Variants in ZDHHC18 observed in about 807,000 individuals in gnomAD.
The protein encoded by ZDHHC18 is palmitoyltransferase ZDHHC18.
Under a neutral mutation model 37.5 loss-of-function variants are expected in ZDHHC18, and 23 were observed. The observed-to-expected ratio is 0.61, with a 90% CI of 0.44 to 0.87. The LOEUF is 0.87. ZDHHC18 is among the 40% of genes least tolerant of loss of function. The pLI, the probability that ZDHHC18 is intolerant of heterozygous loss-of-function variation, is 0.00. For missense variants in ZDHHC18, 406 were observed against 525.6 expected, an observed-to-expected ratio of 0.77 and a Z score of 2.22; for synonymous variants, 185 against 218.7, an observed-to-expected ratio of 0.85 and a Z score of 1.36.
intron 3 of ZDHHC18, among the ~76,000 whole-genome samples, 182 bp downstream of exon 3, chr1:26,848,939 T>TA (rs903226126): frequency 7.2e-5 from 11 of 152,092 alleles, no homozygotes; most frequent in African/African-American, 2.4e-4. Context: ...GCCCTCAGCA[T>TA]AACCAGGAGT....
Position 26,855,767 on chromosome 1 carries a change from C to T in ZDHHC18, c.*1924C>T, listed in dbSNP as rs1007486070. The T allele has an allele frequency of 6.5e-6, 1 of 154,346 alleles. No individual in the cohort carries two copies. The highest frequency in any genetic ancestry group is 2.4e-5 in the African/African-American group (1 of 41,502). 9.6% of individuals were successfully genotyped at this position (154,346 alleles called of 1,614,324 possible). On this transcript the variant is annotated 3_prime_UTR_variant, in exon 8 of 8. Coordinates refer to ENST00000374142, the MANE Select transcript of ZDHHC18 (RefSeq NM_032283.3). ...TGTTTGCTTTTCCTTTGCTGAGGCC[C>T]CAACTGGGAGCCCTCTGTTCTTTCA...
Position 26,857,116 on chromosome 1 carries a change from T to C in ZDHHC18, c.*3273T>C, listed in dbSNP as rs2081738616. ...CATAACGCAGCCATCAGCACAATAATGTGACTCTACGCTGATATGCTCCCT... is the reference window on the plus strand; with the variant it reads ...CATAACGCAGCCATCAGCACAATAACGTGACTCTACGCTGATATGCTCCCT... On this transcript the variant is annotated 3_prime_UTR_variant, in exon 8 of 8. Coordinates refer to ENST00000374142, the MANE Select transcript of ZDHHC18 (RefSeq NM_032283.3). 1 of 152,398 alleles carries C rather than the reference T, an allele frequency of 6.6e-6. No individual in the cohort carries two copies. The highest frequency in any genetic ancestry group is 2.4e-5 in the African/African-American group (1 of 41,442). 9.4% of individuals were successfully genotyped at this position (152,398 alleles called of 1,614,324 possible).
chr1:26,836,816 T>C (rs1008482391), intron 2 of ZDHHC18, among the ~76,000 whole-genome samples: 3 of 148,902 alleles, frequency 2.0e-5, no homozygotes, highest in African/African-American at 4.9e-5. Flanking sequence ...GATCCGCCCG[T>C]CTCAGCCTCC....
chr1:26,853,998 C>T lies in ZDHHC18; in HGVS notation c.*155C>T, dbSNP rs186783259. On this transcript the variant is annotated 3_prime_UTR_variant, in exon 8 of 8. Coordinates refer to ENST00000374142, the MANE Select transcript of ZDHHC18 (RefSeq NM_032283.3). ...CTGCGTGGCTTTCCCTGAACTGTTC[C>T]GTGGCTGTGCCCTCTGCTCCCCAAA... The T allele has an allele frequency of 1.1e-4, 77 of 708,198 alleles. No individual in the cohort carries two copies. The East Asian group carries it at 1.2e-3, about 11-fold the overall frequency. The allele number at this position is 708,198 out of a possible 1,614,324, so 43.9% of individuals were successfully genotyped here. A position where few individuals can be genotyped will look rare whatever the true frequency, so the allele number is the denominator to read the frequency against.
Position 26,850,732 on chromosome 1 carries a change from C to T in ZDHHC18, c.833+126C>T, listed in dbSNP as rs2081698888. On this transcript the variant is annotated intron_variant, in intron 5 of 7. Coordinates refer to ENST00000374142, the MANE Select transcript of ZDHHC18 (RefSeq NM_032283.3). This position sits in a 1 kb window ranked among gnomAD's most constrained non-coding sequence, Gnocchi z 6.1. ...CTCACATGTGTCCTCCAGAATCCAA[C>T]ATGCCAGCTCTTCTGTTCACACCCA... 1 of 1,138,398 alleles carries T rather than the reference C, an allele frequency of 8.8e-7. No homozygotes were observed. Among genetic ancestry groups the T allele is most frequent in the South Asian group, 1.4e-5 (1 of 72,850 alleles). 70.5% of individuals were successfully genotyped at this position (1,138,398 alleles called of 1,614,324 possible).
Position 26,850,209 on chromosome 1 carries a change from T to G in ZDHHC18, c.647-92T>G, listed in dbSNP as rs1570675399. On this transcript the variant is annotated intron_variant, in intron 3 of 7. Transcript: ENST00000374142. This position sits in a 1 kb window ranked among gnomAD's most constrained non-coding sequence, Gnocchi z 6.1. ...GCTGGTGCTGCGAGAGTGAACGGGG[T>G]AGGAAAGCCCCAGCCATGGGTGAGG... The G allele has an allele frequency of 6.7e-7, 1 of 1,503,720 alleles. No individual in the cohort carries two copies. The highest frequency in any genetic ancestry group is 9.0e-7 in the Non-Finnish European group (1 of 1,111,946). 93.1% of individuals were successfully genotyped at this position (1,503,720 alleles called of 1,614,324 possible). A position where few individuals can be genotyped will look rare whatever the true frequency, so the allele number is the denominator to read the frequency against.
At chr1:26,848,507 C>A in intron 2 of ZDHHC18, 101 bp from the exon 3 acceptor site, 1 of 1,468,670 alleles carries the variant, frequency 6.8e-7, no homozygotes, top group Non-Finnish European at 9.3e-7. Flanking sequence ...TACCCTGAGG[C>A]TTCTCCTGGA....
intron 2 of ZDHHC18, among the ~76,000 whole-genome samples, chr1:26,848,337 A>G (rs2081682859): frequency 6.6e-6 from 1 of 151,822 alleles, no homozygotes; most frequent in Non-Finnish European, 1.5e-5. Flanking sequence ...AACCCTCACT[A>G]AGCTTTCTGG....
At position 26,827,154 on chromosome 1, in the gene ZDHHC18, C is replaced by T. The variant is rs1442511345; in HGVS notation, c.335+15C>T. 5 of 1,379,498 alleles carry T rather than the reference C, an allele frequency of 3.6e-6. No homozygotes were observed. Among genetic ancestry groups the T allele is most frequent in the Admixed American group, 6.6e-5 (2 of 30,192 alleles). The allele number at this position is 1,379,498 out of a possible 1,614,324, so 85.5% of individuals were successfully genotyped here. A position where few individuals can be genotyped will look rare whatever the true frequency, so the allele number is the denominator to read the frequency against. ...TTCGTCTTTGAGTGAGTTCCGCTGC[C>T]TCGGCGCCCCCTCCCAGCCCCCTGC... On this transcript the variant is annotated intron_variant, in intron 1 of 7. Coordinates refer to ENST00000374142, the MANE Select transcript of ZDHHC18 (RefSeq NM_032283.3).
chr1:26,833,330 G>A (rs1373608016), intron 2 of ZDHHC18, among the ~76,000 whole-genome samples: 4 of 152,174 alleles, frequency 2.6e-5, no homozygotes, highest in African/African-American at 9.7e-5. Flanking sequence ...GGTGACATCT[G>A]AGCAAAGAAG....
intron 6 of ZDHHC18, among the ~76,000 whole-genome samples, chr1:26,852,096 A>G (rs964269495): frequency 6.6e-6 from 1 of 152,254 alleles, no homozygotes; most frequent in African/African-American, 2.4e-5. Context: ...CCTGGTGATC[A>G]GTGAGAACAG....
At chr1:26,831,035 G>T (rs2081587059) in intron 1 of ZDHHC18, among the ~76,000 whole-genome samples, 1 of 152,186 alleles carries the variant, frequency 6.6e-6, no homozygotes, top group South Asian at 2.1e-4. Flanking sequence ...GCCCACCTCA[G>T]CCTCCCAAAG....
intron 2 of ZDHHC18, among the ~76,000 whole-genome samples, chr1:26,845,417 C>G (rs1166466740): frequency 2.0e-5 from 3 of 146,906 alleles, no homozygotes; most frequent in Non-Finnish European, 4.5e-5. Context: ...ACTGTAACCC[C>G]CACCTCCCTG....
intron 1 of ZDHHC18, 62 bp from the exon 2 acceptor site, chr1:26,832,385 T>C: frequency 6.3e-7 from 1 of 1,596,618 alleles, no homozygotes; most frequent in Non-Finnish European, 8.6e-7. Context: ...CCACGTGCTG[T>C]AGCCCTGTGC....
Position 26,848,315 on chromosome 1 carries a change from G to GA in ZDHHC18, c.497-280dup, listed in dbSNP as rs35673760. ...GCGACAGAGTGAGACTCTGCCTCAG[G>GA]AAAAAAAAAAAAACCCTCACTAAGC... is the stretch of plus-strand genomic sequence containing the variant. On this transcript the variant is annotated intron_variant, in intron 2 of 7. Transcript: ENST00000374142. 6.0e-3 allele frequency among the ~76,000 whole-genome samples: 826 copies of GA among 138,598 alleles called. 2 individuals carry two copies. Among genetic ancestry groups the GA allele is most frequent in the African/African-American group, 0.014 (532 of 38,124 alleles). 90.9% of individuals were successfully genotyped at this position (138,598 alleles called of 152,430 possible). A position where few individuals can be genotyped will look rare whatever the true frequency, so the allele number is the denominator to read the frequency against.
At chr1:26,829,013 A>T (rs1378981271) in intron 1 of ZDHHC18, among the ~76,000 whole-genome samples, 2 of 152,082 alleles carry the variant, frequency 1.3e-5, no homozygotes, top group African/African-American at 4.8e-5. Flanking sequence ...TTCACTGGTG[A>T]CTGTTTTGTC....
intron 6 of ZDHHC18, among the ~76,000 whole-genome samples, chr1:26,851,434 T>A (rs71636786): frequency 0.055 from 8,333 of 152,182 alleles, 308 homozygotes; most frequent in Non-Finnish European, 0.08. Context: ...CATGCTTCAT[T>A]CTCTCAGTGC....
chr1:26,831,306 T>C (rs1480078953), intron 1 of ZDHHC18, among the ~76,000 whole-genome samples: 1 of 152,044 alleles, frequency 6.6e-6, no homozygotes, highest in Non-Finnish European at 1.5e-5. Context: ...TCATGGGCTA[T>C]TGTGATGGGA....
At chr1:26,846,138 ATGTGTGTATATATATACATGTATATATG>A (rs1461058211) in intron 2 of ZDHHC18, among the ~76,000 whole-genome samples, 1 of 148,560 alleles carries the variant, frequency 6.7e-6, no homozygotes, top group African/African-American at 2.5e-5. Flanking sequence ...GTGTATATAT[ATGTGTGTATATATATACATGTATATATG>A]TCTATATATA....
Sources: allele counts gnomAD v4.1 joint callset (sites outside exome capture counted in the v4.1 genomes callset), GRCh38; gene constraint gnomAD v4.1.1; non-coding constraint Gnocchi (gnomAD v3.1); transcripts MANE v1.5; gene names NCBI Gene and HGNC (gene_info 2026-07-23, HGNC 2026-07-21).